SMOC2: variants seen among roughly 807,000 people sequenced by gnomAD.
The protein encoded by SMOC2 is SPARC-related modular calcium-binding protein 2.
Under a neutral mutation model 61.4 loss-of-function variants are expected in SMOC2, and 39 were observed. That is an observed-to-expected ratio of 0.64 (90% CI 0.49 to 0.83). SMOC2 has a LOEUF of 0.83. Ranked by LOEUF, SMOC2 falls within the 40% of genes least tolerant of loss-of-function variation. The pLI is 0.00. For missense variants in SMOC2, 556 were observed against 592.9 expected, an observed-to-expected ratio of 0.94 and a Z score of 0.65; for synonymous variants, 247 against 239.9, an observed-to-expected ratio of 1.03 and a Z score of -0.27.
chr6:168,539,419 C>T (rs1002625860), intron 4 of SMOC2, among the ~76,000 whole-genome samples: 4 of 152,184 alleles, frequency 2.6e-5, no homozygotes, highest in African/African-American at 9.6e-5. Flanking sequence ...ATTTCACACA[C>T]CACCCTTTTC....
rs576201454 is a variant in SMOC2, at chr6:168,505,956, C to T, written c.85-3959C>T. Among the ~76,000 whole-genome samples the T allele has an allele frequency of 5.9e-5, 9 of 152,190 alleles. No homozygotes were observed. The South Asian group carries it at 1.2e-3, about 21-fold the overall frequency. Reference sequence around the variant, plus strand: ...GCACCTCCCACTAAGAAAGCAAACACGTGGATGCCATCTATTTTCTCTTGG... The same window carrying T: ...GCACCTCCCACTAAGAAAGCAAACATGTGGATGCCATCTATTTTCTCTTGG... On this transcript the variant is annotated intron_variant, in intron 1 of 12. Transcript: ENST00000356284.
chr6:168,532,287 G>T (rs1284868343), intron 4 of SMOC2, among the ~76,000 whole-genome samples: 4 of 152,210 alleles, frequency 2.6e-5, no homozygotes, highest in African/African-American at 9.6e-5. Flanking sequence ...GTAAAGGGCA[G>T]GGTTCACACT....
intron 4 of SMOC2, among the ~76,000 whole-genome samples, chr6:168,533,130 C>G (rs925098836): frequency 3.9e-5 from 6 of 152,252 alleles, no homozygotes; most frequent in African/African-American, 1.4e-4. Context: ...AAAATTTCCT[C>G]TCTGCGGTCT....
At chr6:168,636,806 G>A (rs1229514264) in intron 9 of SMOC2, among the ~76,000 whole-genome samples, 3 of 151,782 alleles carry the variant, frequency 2.0e-5, no homozygotes, top group Non-Finnish European at 4.4e-5. Context: ...GCCCCTGAGG[G>A]CACACATGCC....
intron 4 of SMOC2, among the ~76,000 whole-genome samples, chr6:168,532,432 C>A (rs9346720): frequency 0.33 from 48,919 of 150,092 alleles, 8,571 homozygotes; most frequent in Non-Finnish European, 0.39. Context: ...TCACCACCCT[C>A]CCCCCCTCCC....
At chr6:168,520,934 G>A (rs996032117) in intron 2 of SMOC2, among the ~76,000 whole-genome samples, 1 of 152,150 alleles carries the variant, frequency 6.6e-6, no homozygotes, top group Non-Finnish European at 1.5e-5. Flanking sequence ...CCTTTTAACT[G>A]TTCCTTTTAA....
At chr6:168,647,848 G>A (rs573396457) in intron 9 of SMOC2, among the ~76,000 whole-genome samples, 13 of 152,218 alleles carry the variant, frequency 8.5e-5, no homozygotes, top group Non-Finnish European at 1.3e-4. Flanking sequence ...ATTATTCCAG[G>A]TCCTGGGGTG....
chr6:168,461,418 G>C (rs1172282951), intron 1 of SMOC2, among the ~76,000 whole-genome samples: 1 of 152,114 alleles, frequency 6.6e-6, no homozygotes, highest in African/African-American at 2.4e-5. Flanking sequence ...ACTCTGAATT[G>C]CAAGTGAATC....
chr6:168,464,587 T>C (rs1312621314), intron 1 of SMOC2, among the ~76,000 whole-genome samples: 1 of 152,112 alleles, frequency 6.6e-6, no homozygotes, highest in African/African-American at 2.4e-5. Context: ...TAACATACTT[T>C]CTGCATCTAA....
At chr6:168,548,020 C>A (rs949320853) in intron 6 of SMOC2, among the ~76,000 whole-genome samples, 1 of 151,986 alleles carries the variant, frequency 6.6e-6, no homozygotes, top group Non-Finnish European at 1.5e-5. Context: ...AGGTATTTAC[C>A]AGTGTATAAA....
Position 168,475,190 on chromosome 6 carries a change from G to T in SMOC2, c.84+33736G>T, listed in dbSNP as rs1782050296. 6.6e-6 allele frequency among the ~76,000 whole-genome samples: 1 copy of T among 152,118 alleles called. No homozygotes were observed. The highest frequency in any genetic ancestry group is 6.5e-5 in the Admixed American group (1 of 15,278). On this transcript the variant is annotated intron_variant, in intron 1 of 12. Coordinates refer to ENST00000356284, the MANE Select transcript of SMOC2 (RefSeq NM_001166412.2). This position sits in a 1 kb window ranked among gnomAD's most constrained non-coding sequence, Gnocchi z 4.6. ...GAGTTCAAATGCCAGCCCTGCTGTG[G>T]GTGATCTGGGGCTCGTTGGCCTCAC... is the stretch of plus-strand genomic sequence containing the variant.
intron 8 of SMOC2, among the ~76,000 whole-genome samples, chr6:168,599,420 C>T (rs1281047041): frequency 7.5e-6 from 1 of 133,934 alleles, no homozygotes; most frequent in Non-Finnish European, 1.6e-5. Context: ...ACATTCATAC[C>T]CCCCACACCC....
At chr6:168,582,591 G>A (rs1310577202) in intron 7 of SMOC2, among the ~76,000 whole-genome samples, 2 of 152,172 alleles carry the variant, frequency 1.3e-5, no homozygotes, top group African/African-American at 2.4e-5. Context: ...AGTTGTTGCC[G>A]ATTTTGAATG....
intron 9 of SMOC2, among the ~76,000 whole-genome samples, chr6:168,647,145 A>G (rs762178538): frequency 7.2e-5 from 11 of 152,152 alleles, no homozygotes; most frequent in South Asian, 2.1e-4. Context: ...ACTCAGTTCA[A>G]TGGGTGGTTG....
intron 9 of SMOC2, among the ~76,000 whole-genome samples, chr6:168,636,867 TCCC>T (rs1786740394): frequency 1.4e-5 from 1 of 72,860 alleles, no homozygotes. Flanking sequence ...TCCTCCCGCC[TCCC>T]TCCTCCCGCC....
At chr6:168,622,082 C>T (rs1786262007) in intron 9 of SMOC2, among the ~76,000 whole-genome samples, 1 of 152,124 alleles carries the variant, frequency 6.6e-6, no homozygotes, top group African/African-American at 2.4e-5. Flanking sequence ...TCTTCTGCCT[C>T]AGCCTCCTGA....
At chr6:168,451,993 C>G (rs1449146983) in intron 1 of SMOC2, among the ~76,000 whole-genome samples, 1 of 152,164 alleles carries the variant, frequency 6.6e-6, no homozygotes, top group Non-Finnish European at 1.5e-5. Flanking sequence ...GGTTGTCTCC[C>G]AGGTTCCCTG....
intron 9 of SMOC2, among the ~76,000 whole-genome samples, chr6:168,610,817 A>G (rs1042470458): frequency 1.3e-5 from 2 of 152,222 alleles, no homozygotes; most frequent in African/African-American, 4.8e-5. Context: ...CATAGTGACG[A>G]CTGGGTCACC....
At chr6:168,630,459 T>A (rs1461097932) in intron 9 of SMOC2, among the ~76,000 whole-genome samples, 3 of 152,256 alleles carry the variant, frequency 2.0e-5, no homozygotes, top group African/African-American at 7.2e-5. Context: ...GTCTTTACTT[T>A]AATCTCTTAA....
Sources: allele counts gnomAD v4.1 joint callset (sites outside exome capture counted in the v4.1 genomes callset), GRCh38; gene constraint gnomAD v4.1.1; non-coding constraint Gnocchi (gnomAD v3.1); transcripts MANE v1.5; gene names NCBI Gene and HGNC (gene_info 2026-07-23, HGNC 2026-07-21).